The following UBR2 variants were observed in gnomAD, a reference collection of about 807,000 sequenced individuals.
UBR2 encodes the protein E3 ubiquitin-protein ligase UBR2.
UBR2 carries 92 observed loss-of-function variants against 247.9 expected under a neutral mutation model. The ratio of observed to expected loss-of-function variants is 0.37; its 90% CI spans 0.31 to 0.44. The LOEUF (loss-of-function observed/expected upper bound fraction) is 0.44, where lower values mean the gene tolerates loss of function less well. UBR2 is among the 20% of genes least tolerant of loss of function. UBR2 has a pLI of 1.00. For missense variants in UBR2, 1,613 were observed against 2,112.6 expected (o/e 0.76, Z 4.64); for synonymous variants, 672 against 693.5 (o/e 0.97, Z 0.49).
At chr6:42,633,704 GT>G (rs1301067383) in intron 13 of UBR2, among the ~76,000 whole-genome samples, 1 of 146,410 alleles carries the variant, frequency 6.8e-6, no homozygotes, top group Non-Finnish European at 1.5e-5. Context: ...TTTTGGGGTT[GT>G]TTTTTTGTTT....
intron 21 of UBR2, among the ~76,000 whole-genome samples, chr6:42,646,807 T>TTATA (rs369889480): frequency 1.2e-3 from 174 of 148,520 alleles, no homozygotes; most frequent in African/African-American, 3.4e-3. Flanking sequence ...ATATATATGT[T>TTATA]TATATATATA....
At chr6:42,602,067 C>T (rs1793415221) in intron 4 of UBR2, among the ~76,000 whole-genome samples, 1 of 151,526 alleles carries the variant, frequency 6.6e-6, no homozygotes, top group Admixed American at 6.6e-5. Flanking sequence ...TGAGGTTTCA[C>T]CACATTGGCC....
intron 7 of UBR2, among the ~76,000 whole-genome samples, chr6:42,611,914 G>GAA (rs35743763): frequency 0.11 from 13,254 of 119,340 alleles, 661 homozygotes; most frequent in Admixed American, 0.17. Flanking sequence ...CTCAAAAAAA[G>GAA]AAAAAAAAAA....
At chr6:42,686,920 C>T (rs1309539295) in intron 44 of UBR2, among the ~76,000 whole-genome samples, 40 of 150,870 alleles carry the variant, frequency 2.7e-4, no homozygotes, top group African/African-American at 9.0e-4. Context: ...CCTCACATCC[C>T]AGACGGGGCG....
intron 15 of UBR2, among the ~76,000 whole-genome samples, chr6:42,639,884 C>T (rs527847043): frequency 5.3e-5 from 8 of 151,766 alleles, no homozygotes; most frequent in East Asian, 3.9e-4. Flanking sequence ...TTTTATTAGC[C>T]GGGTGTGGTG....
At chr6:42,574,324 A>G (rs1791361239) in intron 2 of UBR2, among the ~76,000 whole-genome samples, 1 of 152,152 alleles carries the variant, frequency 6.6e-6, no homozygotes. Flanking sequence ...AAATTGCCAT[A>G]GATTTGGCTA....
chr6:42,661,749 C>A (rs966625980), intron 30 of UBR2, among the ~76,000 whole-genome samples: 1 of 151,990 alleles, frequency 6.6e-6, no homozygotes, highest in Non-Finnish European at 1.5e-5. Flanking sequence ...CTCTAGGGGG[C>A]GCCCCGTTAC....
rs199665993 is a variant in UBR2, at chr6:42,614,234, A to G, written c.986-837A>G. ...TATATATATACACACACACACACAC[A>G]CACACACACACGCGCGCACATATAT... On this transcript the variant is annotated intron_variant, in intron 8 of 46. Coordinates refer to ENST00000372901, the MANE Select transcript of UBR2 (RefSeq NM_001363705.2). Among the ~76,000 whole-genome samples, 393 of 82,546 alleles carry G rather than the reference A, an allele frequency of 4.8e-3. 18 individuals are homozygous for G. The highest frequency in any genetic ancestry group is 0.015 in the African/African-American group (365 of 25,072). 54.2% of individuals were successfully genotyped at this position (82,546 alleles called of 152,430 possible).
intron 11 of UBR2, 44 bp from the exon 12 acceptor site, chr6:42,632,508 C>A: frequency 6.6e-7 from 1 of 1,510,904 alleles, no homozygotes. Flanking sequence ...CTTCCTAGTA[C>A]ATAGTTTTTG....
chr6:42,642,045 A>G (rs1263796256), intron 17 of UBR2, among the ~76,000 whole-genome samples: 1 of 152,136 alleles, frequency 6.6e-6, no homozygotes, highest in African/African-American at 2.4e-5. Flanking sequence ...CTTTTTATAG[A>G]CCTCACATAG....
At chr6:42,578,972 AACAC>A (rs35575176) in intron 2 of UBR2, among the ~76,000 whole-genome samples, 2,992 of 148,710 alleles carry the variant, frequency 0.02, 39 homozygotes, top group Non-Finnish European at 0.025. Flanking sequence ...CACACACACA[AACAC>A]ACACACACAC....
intron 40 of UBR2, 79 bp from the exon 41 acceptor site, chr6:42,678,460 A>G (rs1469073102): frequency 2.0e-6 from 3 of 1,463,484 alleles, no homozygotes; most frequent in African/African-American, 2.9e-5. Context: ...TCCAAATGAC[A>G]GTCAAGTCTG....
At position 42,635,471 on chromosome 6, in the gene UBR2, G is replaced by A. The variant is rs1164107773; in HGVS notation, c.1599G>A (p.Glu533=). The change falls in exon 14 of 47, where the codon GAG becomes GAA. Residue 533 remains glutamate, a synonymous_variant. Coordinates refer to ENST00000372901, the MANE Select transcript of UBR2 (RefSeq NM_001363705.2). ...GACAACATATTGAAATGGAACCAGAGTGGGAAGCAGCCTTCACACTACAAA... is the reference window on the plus strand; with the variant it reads ...GACAACATATTGAAATGGAACCAGAATGGGAAGCAGCCTTCACACTACAAA... The part of the protein sequence containing the change: ...QVGQHIEMEP[E]WEAAFTLQMK... The A allele has an allele frequency of 2.5e-6, 4 of 1,613,746 alleles. No individual in the cohort carries two copies. Among genetic ancestry groups the A allele is most frequent in the Non-Finnish European group, 3.4e-6 (4 of 1,179,836 alleles).
intron 2 of UBR2, among the ~76,000 whole-genome samples, chr6:42,578,509 G>GT: frequency 6.6e-6 from 1 of 152,042 alleles, no homozygotes; most frequent in Non-Finnish European, 1.5e-5. Context: ...ATTTTTTTAC[G>GT]TTTTTTAGGG....
intron 44 of UBR2, among the ~76,000 whole-genome samples, chr6:42,686,470 T>C (rs1799404335): frequency 1.3e-5 from 2 of 151,978 alleles, no homozygotes; most frequent in Admixed American, 1.3e-4. Flanking sequence ...GTCTCCTATG[T>C]CTACTTCTTT....
chr6:42,618,144 G>T (rs560848719), intron 11 of UBR2, among the ~76,000 whole-genome samples: 2 of 152,138 alleles, frequency 1.3e-5, no homozygotes, highest in Non-Finnish European at 1.5e-5. Context: ...ACCATAGTGG[G>T]AAAGACTCAC....
intron 7 of UBR2, among the ~76,000 whole-genome samples, chr6:42,609,255 G>A (rs990776951): frequency 6.6e-6 from 1 of 152,196 alleles, no homozygotes; most frequent in Non-Finnish European, 1.5e-5. Context: ...TGTATACAGT[G>A]TGTTCAGTAC....
rs70990112 is a variant in UBR2, at chr6:42,614,375, T to TATATATGTATGTACGTACATAC, written c.986-696_986-695insATATATGTATGTACGTACATAC. 4.0e-4 allele frequency among the ~76,000 whole-genome samples: 28 copies of TATATATGTATGTACGTACATAC among 69,772 alleles called. 2 individuals are homozygous for TATATATGTATGTACGTACATAC. The highest frequency in any genetic ancestry group is 9.8e-4 in the African/African-American group (18 of 18,400). The allele number at this position is 69,772 out of a possible 152,430, so 45.8% of individuals were successfully genotyped here. A position where few individuals can be genotyped will look rare whatever the true frequency, so the allele number is the denominator to read the frequency against. ...ATGTGTGTATATATGTGTGTATGTG[T>TATATATGTATGTACGTACATAC]GTATATATGTATGTACGTACATACA... is the stretch of plus-strand genomic sequence containing the variant. On this transcript the variant is annotated intron_variant, in intron 8 of 46. Transcript: ENST00000372901.
chr6:42,652,455 T>G, intron 24 of UBR2, 36 bp from the exon 25 acceptor site: 2 of 1,574,328 alleles, frequency 1.3e-6, no homozygotes, highest in Non-Finnish European at 1.7e-6. Context: ...AAGCATGTTC[T>G]GTAAAAGAAA....
Sources: allele counts gnomAD v4.1 joint callset (sites outside exome capture counted in the v4.1 genomes callset), GRCh38; gene constraint gnomAD v4.1.1; transcripts MANE v1.5; gene names NCBI Gene and HGNC (gene_info 2026-07-23, HGNC 2026-07-21).